Variants in R3HDM1 observed in about 807,000 individuals in gnomAD.
R3HDM1 encodes the protein R3H domain-containing protein 1.
Under a neutral mutation model 141.1 loss-of-function variants are expected in R3HDM1, and 46 were observed. That is an observed-to-expected ratio of 0.33 (90% confidence interval 0.26 to 0.42). R3HDM1 has a LOEUF of 0.42. Ranked by LOEUF, R3HDM1 falls within the 10% of genes least tolerant of loss-of-function variation. The pLI, the probability that R3HDM1 is intolerant of heterozygous loss-of-function variation, is 1.00. For missense variants in R3HDM1, 1,184 were observed against 1,368.3 expected (o/e 0.87, Z 2.12); for synonymous variants, 435 against 472.9 (o/e 0.92, Z 1.04).
chr2:135,555,337 G>A (rs1264501076), intron 1 of R3HDM1, among the ~76,000 whole-genome samples: 1 of 150,866 alleles, frequency 6.6e-6, no homozygotes, highest in African/African-American at 2.4e-5. Context: ...CATCTGTCCT[G>A]ACGGAAATAC....
intron 2 of R3HDM1, among the ~76,000 whole-genome samples, chr2:135,603,561 C>T (rs1003436433): frequency 6.6e-6 from 1 of 152,036 alleles, no homozygotes; most frequent in African/African-American, 2.4e-5. Context: ...TTTAAAGATG[C>T]ATTTCAGAAT....
intron 21 of R3HDM1, among the ~76,000 whole-genome samples, chr2:135,705,318 G>A (rs1259119819): frequency 6.6e-6 from 1 of 152,156 alleles, no homozygotes; most frequent in Non-Finnish European, 1.5e-5. Context: ...CTCATATAAC[G>A]AATAACAAGT....
intron 1 of R3HDM1, chr2:135,577,151 A>G: frequency 4.1e-6 from 4 of 981,466 alleles, no homozygotes; most frequent in Non-Finnish European, 4.8e-6. Flanking sequence ...TTGTGTATGA[A>G]AAAGGCTTTT....
intron 18 of R3HDM1, among the ~76,000 whole-genome samples, chr2:135,658,171 T>G (rs1269725004): frequency 2.0e-5 from 3 of 152,184 alleles, no homozygotes; most frequent in Non-Finnish European, 4.4e-5. Flanking sequence ...TTTTGTTTTG[T>G]TTTTTTCTTT....
intron 1 of R3HDM1, among the ~76,000 whole-genome samples, chr2:135,552,001 G>A (rs1699923841): frequency 2.0e-5 from 3 of 152,204 alleles, no homozygotes; most frequent in Middle Eastern, 3.4e-3. Flanking sequence ...TGAAAAGTTA[G>A]CATAAATTAT....
chr2:135,698,980 C>CAGATAGATAGAT (rs71400533), intron 21 of R3HDM1, among the ~76,000 whole-genome samples: 45 of 78,188 alleles, frequency 5.8e-4, no homozygotes, highest in African/African-American at 1.8e-3. Flanking sequence ...ATATTACACT[C>CAGATAGATAGAT]AGATAGATAG....
intron 1 of R3HDM1, among the ~76,000 whole-genome samples, chr2:135,566,255 G>C (rs1034126874): frequency 5.9e-5 from 9 of 152,102 alleles, no homozygotes; most frequent in African/African-American, 2.2e-4. Context: ...CAGATAGAAG[G>C]CTAGGGGTTT....
intron 24 of R3HDM1, among the ~76,000 whole-genome samples, chr2:135,718,132 A>G (rs2076349089): frequency 2.6e-5 from 4 of 152,336 alleles, no homozygotes; most frequent in East Asian, 3.9e-4. Context: ...ATCCAGCTGC[A>G]GACAAACTAA....
At chr2:135,558,386 C>T (rs1174878193) in intron 1 of R3HDM1, among the ~76,000 whole-genome samples, 3 of 152,194 alleles carry the variant, frequency 2.0e-5, no homozygotes, top group Non-Finnish European at 4.4e-5. Flanking sequence ...TGATCAATAT[C>T]CTGCCTCCTA....
chr2:135,537,663 T>TTTATTTTATTTTA (rs1696514164), intron 1 of R3HDM1, among the ~76,000 whole-genome samples: 1 of 148,180 alleles, frequency 6.7e-6, no homozygotes, highest in Non-Finnish European at 1.5e-5. Context: ...TTTATTTTAT[T>TTTATTTTATTTTA]TTATTTTATT....
intron 25 of R3HDM1, among the ~76,000 whole-genome samples, 153 bp downstream of exon 25, chr2:135,722,159 C>G (rs1055069762): frequency 1.3e-5 from 2 of 152,242 alleles, no homozygotes; most frequent in Non-Finnish European, 2.9e-5. Context: ...CTGGCTCCAT[C>G]AGGAGCAGAG....
chr2:135,605,751 C>G (rs2059991151), intron 3 of R3HDM1: 1 of 151,512 alleles, frequency 6.6e-6, no homozygotes, highest in South Asian at 2.1e-4. Context: ...GTGGTGTGAT[C>G]TCGGCTCACT....
intron 23 of R3HDM1, among the ~76,000 whole-genome samples, chr2:135,713,321 G>A (rs1437913410): frequency 1.3e-5 from 2 of 152,176 alleles, no homozygotes; most frequent in Admixed American, 6.5e-5. Flanking sequence ...GAAAATTCAG[G>A]AAGACCAATA....
intron 1 of R3HDM1, chr2:135,561,373 G>A (rs1285989074): frequency 1.2e-5 from 11 of 946,996 alleles, no homozygotes; most frequent in African/African-American, 3.5e-5. Context: ...GGTCTCCCTG[G>A]TCTGTTAACG....
Position 135,531,516 on chromosome 2 carries a change from T to A in R3HDM1, c.-367T>A. ...CAGCCGCGGCTGCCGCTGGAGCCGG[T>A]GTCCGGGCTGGTGATGGGGTTAATT... On this transcript the variant is annotated 5_prime_UTR_variant, in exon 1 of 27. Transcript: ENST00000683871. 1.0e-6 allele frequency: 1 copy of A among 985,492 alleles called. No individual in the cohort carries two copies. The highest frequency in any genetic ancestry group is 1.2e-6 in the Non-Finnish European group (1 of 829,914). The allele number at this position is 985,492 out of a possible 1,614,324, so 61.0% of individuals were successfully genotyped here. A position where few individuals can be genotyped will look rare whatever the true frequency, so the allele number is the denominator to read the frequency against.
In R3HDM1 at chr2:135,569,725, T is replaced by TTG. The variant is rs747910362; in HGVS notation, c.-249-32774_-249-32773insGT. 2.1e-3 allele frequency among the ~76,000 whole-genome samples: 310 copies of TTG among 146,400 alleles called. 5 individuals carry two copies. Among genetic ancestry groups the TTG allele is most frequent in the South Asian group, 6.3e-3 (29 of 4,622 alleles). On this transcript the variant is annotated intron_variant, in intron 1 of 26. Transcript: ENST00000683871. ...CCTTTCATATAGTAAGCTCTTTTTT[T>TTG]TTTGTTGTTGTTTTTTTTGGAGAGG...
Position 135,635,966 on chromosome 2 carries a change from G to A in R3HDM1, c.775G>A (p.Asp259Asn), listed in dbSNP as rs2063204578. 2.5e-6 allele frequency: 4 copies of A among 1,611,906 alleles called. No homozygotes were observed. Among genetic ancestry groups the A allele is most frequent in the African/African-American group, 1.3e-5 (1 of 74,764 alleles). The change falls in exon 10 of 27, where the codon GAT becomes AAT. Residue 259 changes from aspartate to asparagine, a missense_variant. By Grantham distance (23) the Asp-to-Asn change is conservative. Coordinates refer to ENST00000683871, the MANE Select transcript of R3HDM1 (RefSeq NM_001378107.1). ...TCAGAAACGTTATATCCTCAAGAGAGATAACTCTAGCTTTGACAAAGATGA... is the reference window on the plus strand; with the variant it reads ...TCAGAAACGTTATATCCTCAAGAGAAATAACTCTAGCTTTGACAAAGATGA... ...DFQKRYILKR[D>N]NSSFDKDDNQ...
intron 5 of R3HDM1, among the ~76,000 whole-genome samples, chr2:135,619,267 A>G (rs975842148): frequency 6.6e-6 from 1 of 152,178 alleles, no homozygotes; most frequent in Non-Finnish European, 1.5e-5. Flanking sequence ...AAGCTGTACC[A>G]TGACCCTTGT....
chr2:135,613,196 G>T (rs900770796), intron 3 of R3HDM1, among the ~76,000 whole-genome samples: 1 of 152,182 alleles, frequency 6.6e-6, no homozygotes, highest in South Asian at 2.1e-4. Flanking sequence ...AACGCTTTGG[G>T]AAAGAATTTG....
Sources: allele counts gnomAD v4.1 joint callset (sites outside exome capture counted in the v4.1 genomes callset), GRCh38; gene constraint gnomAD v4.1.1; transcripts MANE v1.5; gene names NCBI Gene and HGNC (gene_info 2026-07-23, HGNC 2026-07-21).